TGM4: variants seen among roughly 807,000 people sequenced by gnomAD.
The protein encoded by TGM4 is transglutaminase 4, also known as protein-glutamine gamma-glutamyltransferase 4.
A neutral mutation model predicts 76.3 loss-of-function variants in TGM4; 61 were observed. The observed-to-expected ratio is 0.80, with a 90% CI of 0.65 to 0.99. TGM4 has a LOEUF of 0.99. Ranked by LOEUF, TGM4 falls within the 50% of genes least tolerant of loss-of-function variation. The pLI, the probability that TGM4 is intolerant of heterozygous loss-of-function variation, is 0.00. For synonymous variants in TGM4, 337 were observed against 329.8 expected, an observed-to-expected ratio of 1.02 and a Z score of -0.24; for missense variants, 794 against 843.2, an observed-to-expected ratio of 0.94 and a Z score of 0.72.
chr3:44,908,901 A>T (rs1699963224), intron 10 of TGM4, among the ~76,000 whole-genome samples: 1 of 152,088 alleles, frequency 6.6e-6, no homozygotes, highest in African/African-American at 2.4e-5. Flanking sequence ...ATGTCTTGTA[A>T]TTTTTTGTTA....
intron 2 of TGM4, among the ~76,000 whole-genome samples, chr3:44,886,319 G>A (rs377334203): frequency 5.3e-5 from 8 of 152,198 alleles, no homozygotes; most frequent in Admixed American, 6.5e-5. Flanking sequence ...TCATCCTGGC[G>A]ACAAGAGTGA....
At position 44,893,648 on chromosome 3, in the gene TGM4, G is replaced by A. The variant is rs1161409897; in HGVS notation, c.502G>A (p.Val168Met). 8 of 1,613,870 alleles carry A rather than the reference G, an allele frequency of 5.0e-6. No individual in the cohort carries two copies. The highest frequency in any genetic ancestry group is 2.2e-5 in the East Asian group (1 of 44,876). ...CCTCAATGACACGGGCTGCCATTAC[G>A]TGGGGGCTGCCAGAAGTATCAAATG... ...YILNDTGCHY[V>M]GAARSIKCKP... The change falls in exon 5 of 14, where the codon GTG becomes ATG. Residue 168 changes from valine to methionine, a missense_variant. Coordinates refer to ENST00000296125, the MANE Select transcript of TGM4 (RefSeq NM_003241.4).
chr3:44,899,301 G>A (rs1158489522), intron 6 of TGM4: 1 of 152,262 alleles, frequency 6.6e-6, no homozygotes, highest in Non-Finnish European at 1.5e-5. Flanking sequence ...TGGTGGTTGA[G>A]CCAGCTGTGC....
At chr3:44,903,591 C>G (rs1456641512) in intron 8 of TGM4, 1 of 404,260 alleles carries the variant, frequency 2.5e-6, no homozygotes, top group East Asian at 4.7e-5. Context: ...TTCACCATCT[C>G]TAGTGGTGAA....
At chr3:44,895,319 C>T (rs774726397) in intron 5 of TGM4, among the ~76,000 whole-genome samples, 4 of 151,578 alleles carry the variant, frequency 2.6e-5, no homozygotes, top group Non-Finnish European at 4.4e-5. Context: ...GAAAATCAAG[C>T]GGTGATTTTA....
At chr3:44,898,002 C>T (rs1355957198) in intron 6 of TGM4, among the ~76,000 whole-genome samples, 2 of 152,142 alleles carry the variant, frequency 1.3e-5, no homozygotes, top group Non-Finnish European at 1.5e-5. Context: ...CAGAGGACGG[C>T]CGGGCGTGGT....
chr3:44,890,822 C>A, intron 4 of TGM4, 90 bp downstream of exon 4: 1 of 1,502,478 alleles, frequency 6.7e-7, no homozygotes, highest in Non-Finnish European at 9.0e-7. Context: ...CTTTTGTTTG[C>A]TCTCAAGGTA....
In TGM4 at chr3:44,882,702, T is replaced by C. The variant is rs566867902; in HGVS notation, c.20-2623T>C. On this transcript the variant is annotated intron_variant, in intron 1 of 13. Transcript: ENST00000296125. ...CCTACCTGGATAATCCAGGATAATATAATCACAAGATCCTTAATCACACCT... is the reference window on the plus strand; with the variant it reads ...CCTACCTGGATAATCCAGGATAATACAATCACAAGATCCTTAATCACACCT... Among the ~76,000 whole-genome samples, 8 of 152,372 alleles carry C rather than the reference T, an allele frequency of 5.3e-5. No individual in the cohort carries two copies. The South Asian group carries it at 1.7e-3, about 32-fold the overall frequency.
chr3:44,890,383 G>A (rs942626086), intron 3 of TGM4: 7 of 527,190 alleles, frequency 1.3e-5, no homozygotes, highest in Admixed American at 3.2e-5. Flanking sequence ...CTTGCAAGAC[G>A]TGCCAAAACT....
rs151286193 is a variant in TGM4 at position 44,901,565 on chromosome 3, G to T, written c.699G>T (p.Trp233Cys). The part of the protein sequence containing the change: ...EKGQGVLIGN[W>C]TGDYEGGTAP... ...GCCAGGGCGTGCTCATTGGGAATTG[G>T]ACTGGGGACTACGAAGGTGGCACAG... Residue 233 changes from tryptophan to cysteine, a missense_variant, in exon 7 of 14, where the codon TGG becomes TGT. By Grantham distance (215) the Trp-to-Cys change is radical. Transcript: ENST00000296125. 170 of 1,613,898 alleles carry T rather than the reference G, an allele frequency of 1.1e-4. No homozygotes were observed. The African/African-American group carries it at 2.0e-3, about 19-fold the overall frequency.
intron 9 of TGM4, among the ~76,000 whole-genome samples, chr3:44,904,605 T>A (rs768595574): frequency 1.3e-5 from 2 of 152,210 alleles, no homozygotes; most frequent in Non-Finnish European, 2.9e-5. Context: ...TTTTAAATAG[T>A]GAGTCCTAGT....
At chr3:44,876,528 A>T (rs1047022976) in intron 1 of TGM4, 1 of 152,242 alleles carries the variant, frequency 6.6e-6, no homozygotes. Flanking sequence ...TGTGCACTTT[A>T]TGGTATTAGG....
rs1219601862 is a variant in TGM4, at chr3:44,911,321, A to G, written c.1828A>G (p.Lys610Glu). 1 of 1,614,216 alleles carries G rather than the reference A, an allele frequency of 6.2e-7. No homozygotes were observed. The highest frequency in any genetic ancestry group is 8.5e-7 in the Non-Finnish European group (1 of 1,180,048). ...GQLLVCNCIF[K>E]NTLAIPLTDV... ...GCTACTTGTCTGCAATTGTATCTTC[A>G]AGAATACCCTGGCCATCCCTTTGAC... Residue 610 changes from lysine to glutamate, a missense_variant, in exon 13 of 14, where the codon AAG becomes GAG. By Grantham distance (56) the Lys-to-Glu change is moderately conservative. Coordinates refer to ENST00000296125, the MANE Select transcript of TGM4 (RefSeq NM_003241.4).
chr3:44,887,057 C>T (rs542799664), intron 2 of TGM4, among the ~76,000 whole-genome samples: 31 of 152,336 alleles, frequency 2.0e-4, no homozygotes, highest in Middle Eastern at 3.4e-3. Flanking sequence ...CCTGAGGAGA[C>T]AACACTTGTG....
At chr3:44,883,304 T>C (rs1699557350) in intron 1 of TGM4, among the ~76,000 whole-genome samples, 1 of 151,874 alleles carries the variant, frequency 6.6e-6, no homozygotes, top group South Asian at 2.1e-4. Context: ...CCTTTAAGAG[T>C]TGATTAGGTG....
chr3:44,912,828 T>G (rs180719204), intron 13 of TGM4, among the ~76,000 whole-genome samples: 5 of 152,356 alleles, frequency 3.3e-5, no homozygotes, highest in African/African-American at 1.2e-4. Context: ...CCAAGATGCA[T>G]CAATATTATA....
chr3:44,884,118 C>A (rs938340816), intron 1 of TGM4, among the ~76,000 whole-genome samples: 1 of 152,290 alleles, frequency 6.6e-6, no homozygotes, highest in East Asian at 1.9e-4. Flanking sequence ...GTGGGTCTGG[C>A]AGTCTGTGTT....
chr3:44,898,343 A>C (rs1699808885), intron 6 of TGM4, among the ~76,000 whole-genome samples: 1 of 151,964 alleles, frequency 6.6e-6, no homozygotes. Flanking sequence ...TTTTCAGATA[A>C]TGGAAGATAC....
In TGM4 at chr3:44,901,645, AGCAGGCTGTGT is replaced by A. The variant is rs1213524208; in HGVS notation, c.782_792del (p.Gln261LeufsTer46). 5.6e-6 allele frequency: 9 copies of A among 1,614,094 alleles called. No individual in the cohort carries two copies. The highest frequency in any genetic ancestry group is 6.8e-6 in the Non-Finnish European group (8 of 1,180,048). The stretch of plus-strand genomic sequence containing the variant: ...ATCCTGCAGCAGTACTACAACACGA[AGCAGGCTGTGT>A]GCTTTGGCCAGTGCTGGGTGTTTGC... On this transcript the variant is annotated frameshift_variant, in exon 7 of 14. Transcript: ENST00000296125. LOFTEE classifies it high-confidence loss of function.
Sources: gnomAD v4.1 joint callset for allele counts (sites outside exome capture counted in the v4.1 genomes callset) on GRCh38, gnomAD v4.1.1 for gene constraint, MANE v1.5 for transcripts, NCBI Gene and HGNC (gene_info 2026-07-23, HGNC 2026-07-21) for gene names.